ST3GAL2: variants seen among roughly 807,000 people sequenced by gnomAD.
ST3GAL2 encodes the protein CMP-N-acetylneuraminate-beta-galactosamide-alpha-2,3-sialyltransferase 2.
In ST3GAL2, 16 loss-of-function variants were observed where a neutral mutation model predicts 37.5. That is an observed-to-expected ratio of 0.43 (90% CI 0.29 to 0.65). The LOEUF (loss-of-function observed/expected upper bound fraction) is 0.65. Among genes scored for constraint, ST3GAL2 ranks in the 30% least tolerant of loss-of-function variants. The pLI is 0.17. For missense variants in ST3GAL2, 383 were observed against 487.8 expected (o/e 0.79, Z 2.02); for synonymous variants, 238 against 202.9 (o/e 1.17, Z -1.47).
At chr16:70,396,704 C>A (rs2047518501) in intron 2 of ST3GAL2, among the ~76,000 whole-genome samples, 1 of 152,190 alleles carries the variant, frequency 6.6e-6, no homozygotes, top group Admixed American at 6.5e-5. Flanking sequence ...TCTGTGACAT[C>A]ATTCTGATAA....
intron 1 of ST3GAL2, among the ~76,000 whole-genome samples, chr16:70,437,196 T>C (rs1019311020): frequency 2.6e-5 from 4 of 152,186 alleles, no homozygotes; most frequent in Non-Finnish European, 5.9e-5. Flanking sequence ...GCAGGGTCAC[T>C]CCCACAGGCC....
At chr16:70,387,247 C>T (rs1035015421) in intron 4 of ST3GAL2, among the ~76,000 whole-genome samples, 1 of 150,986 alleles carries the variant, frequency 6.6e-6, no homozygotes, top group African/African-American at 2.4e-5. Context: ...CGGAATGAGA[C>T]TCCGTTTCAA....
At position 70,377,493 on chromosome 16, in the gene ST3GAL2, A is replaced by AT. The variant is rs893198137; in HGVS notation, c.*4195_*4196insA. The AT allele has an allele frequency of 6.6e-6, 1 of 150,960 alleles. No individual in the cohort carries two copies. The highest frequency in any genetic ancestry group is 2.4e-5 in the African/African-American group (1 of 40,894). The allele number at this position is 150,960 out of a possible 1,614,324, so 9.4% of individuals were successfully genotyped here. ...AGACTCCATCTGAAAAAAAAAAAAA[A>AT]AAAAGAGAAAAGCCTCCATCGTGAC... On this transcript the variant is annotated 3_prime_UTR_variant, in exon 7 of 7. Transcript: ENST00000342907.
At chr16:70,393,224 C>T (rs777568829) in intron 3 of ST3GAL2, among the ~76,000 whole-genome samples, 5 of 151,982 alleles carry the variant, frequency 3.3e-5, no homozygotes, top group African/African-American at 4.8e-5. Flanking sequence ...ATTATAGTTA[C>T]CCACCACCAC....
At chr16:70,418,028 TATA>T (rs1239826629) in intron 1 of ST3GAL2, among the ~76,000 whole-genome samples, 1 of 152,196 alleles carries the variant, frequency 6.6e-6, no homozygotes, top group Non-Finnish European at 1.5e-5. Flanking sequence ...ACCGTAGATG[TATA>T]ATAAGGAGCC....
Position 70,398,182 on chromosome 16 carries a change from C to A in ST3GAL2, c.339+10G>T. 1.2e-6 allele frequency: 2 copies of A among 1,608,252 alleles called. No homozygotes were observed. The highest frequency in any genetic ancestry group is 1.1e-5 in the South Asian group (1 of 90,852). On this transcript the variant is annotated intron_variant, in intron 2 of 6. Transcript: ENST00000342907. The stretch of plus-strand genomic sequence containing the variant: ...GGGACAGATCCCTGGAAGGGAGCAG[C>A]AGCTCTTACCATCCACCACCTCTGG...
intron 2 of ST3GAL2, among the ~76,000 whole-genome samples, chr16:70,397,043 C>CTTTTTT (rs35885469): frequency 1.5e-5 from 2 of 130,284 alleles, no homozygotes; most frequent in African/African-American, 2.9e-5. Context: ...TCTTTTCTTT[C>CTTTTTT]TTTTTTTTTT....
rs113953362 is a variant in ST3GAL2, at chr16:70,389,386, C to T, written c.534-840G>A. Among the ~76,000 whole-genome samples, 1,434 of 151,816 alleles carry T rather than the reference C, an allele frequency of 9.4e-3. 23 individuals are homozygous for T. The highest frequency in any genetic ancestry group is 0.016 in the Admixed American group (236 of 15,200). ...TGGTGCTATCTCGGCTCACTGCAAT[C>T]CCCGCCTCCGCCTCCCAGGTTCAAG... On this transcript the variant is annotated intron_variant, in intron 3 of 6. Transcript: ENST00000342907.
At chr16:70,410,840 G>C (rs1365060089) in intron 1 of ST3GAL2, among the ~76,000 whole-genome samples, 1 of 49,634 alleles carries the variant, frequency 2.0e-5, no homozygotes, top group Admixed American at 2.7e-4. Flanking sequence ...TCTGTGTTTT[G>C]CCGTCTGTAG....
intron 5 of ST3GAL2, 129 bp downstream of exon 5, chr16:70,383,061 G>A: frequency 6.3e-7 from 1 of 1,581,342 alleles, no homozygotes; most frequent in Non-Finnish European, 8.6e-7. Flanking sequence ...ACCTGCTAGG[G>A]TCAGGCATCT....
chr16:70,407,242 G>A (rs146742569), intron 1 of ST3GAL2, among the ~76,000 whole-genome samples: 1,869 of 151,534 alleles, frequency 0.012, 31 homozygotes, highest in African/African-American at 0.043. Context: ...CTGGGTTCAA[G>A]CAATTCTCCT....
At position 70,398,433 on chromosome 16, in the gene ST3GAL2, G is replaced by A. The variant is rs771821238; in HGVS notation, c.98C>T (p.Thr33Met). The change falls in exon 2 of 7, where the codon ACG becomes ATG. Residue 33 changes from threonine (T) to methionine (M), a missense_variant. This residue lies in a region of ST3GAL2 where 223 missense variants were observed against 239.1 expected (regional missense o/e 0.93). Transcript: ENST00000342907. ...GGCCCCTGAGTCCAGGTAGGGGAGC[G>A]TGGCCATGCTGTGGTGCGAGTAGGT... ...LFTYSHHSMA[T>M]LPYLDSGALD... 52 of 1,613,588 alleles carry A rather than the reference G, an allele frequency of 3.2e-5. No individual in the cohort carries two copies. The highest frequency in any genetic ancestry group is 6.6e-5 in the South Asian group (6 of 91,092).
intron 3 of ST3GAL2, among the ~76,000 whole-genome samples, chr16:70,393,203 G>C (rs1252336428): frequency 1.3e-5 from 2 of 151,574 alleles, no homozygotes; most frequent in African/African-American, 4.9e-5. Flanking sequence ...TCAGCCTCCC[G>C]AGTAGCTGGG....
intron 1 of ST3GAL2, among the ~76,000 whole-genome samples, chr16:70,423,886 G>T (rs192208245): frequency 6.6e-6 from 1 of 151,226 alleles, no homozygotes; most frequent in East Asian, 2.0e-4. Context: ...GTGAAACCCC[G>T]TCTCTACTAA....
At chr16:70,417,910 G>A (rs2047686807) in intron 1 of ST3GAL2, among the ~76,000 whole-genome samples, 1 of 152,130 alleles carries the variant, frequency 6.6e-6, no homozygotes, top group African/African-American at 2.4e-5. Context: ...CTCCCGGGGT[G>A]AAGGGACTAA....
In ST3GAL2 at chr16:70,395,085, G is replaced by T. The variant is rs749103951; in HGVS notation, c.430C>A (p.Arg144=). The change falls in exon 3 of 7, where the codon CGG becomes AGG. Residue 144 remains arginine (R), a synonymous_variant. Coordinates refer to ENST00000342907, the MANE Select transcript of ST3GAL2 (RefSeq NM_006927.4). ...IVPGENPYRF[R]DPHQCRRCAV... ...CAGCGCCGGCACTGGTGGGGGTCCC[G>T]GAAGCGGTAGGGGTTCTCGCCAGGC... is the stretch of plus-strand genomic sequence containing the variant. 6.2e-7 allele frequency: 1 copy of T among 1,613,944 alleles called. No homozygotes were observed. Among genetic ancestry groups the T allele is most frequent in the South Asian group, 1.1e-5 (1 of 91,038 alleles).
At chr16:70,415,918 G>C (rs1304087498) in intron 1 of ST3GAL2, among the ~76,000 whole-genome samples, 1 of 151,110 alleles carries the variant, frequency 6.6e-6, no homozygotes, top group Non-Finnish European at 1.5e-5. Flanking sequence ...TGGGACTACA[G>C]GCACGCGCCA....
At chr16:70,406,372 G>A (rs985052218) in intron 1 of ST3GAL2, among the ~76,000 whole-genome samples, 1 of 151,872 alleles carries the variant, frequency 6.6e-6, no homozygotes, top group Non-Finnish European at 1.5e-5. Context: ...GCCGGGGGGT[G>A]GTGGCAGAGG....
intron 4 of ST3GAL2, among the ~76,000 whole-genome samples, chr16:70,387,563 A>G (rs2047451575): frequency 6.6e-6 from 1 of 152,180 alleles, no homozygotes. Context: ...TCAAAAAAAA[A>G]TAAAATTAAA....
Sources: gnomAD v4.1 joint callset for allele counts (sites outside exome capture counted in the v4.1 genomes callset) on GRCh38, gnomAD v4.1.1 for gene constraint, gnomAD v4.1.1 regional missense constraint, MANE v1.5 for transcripts, NCBI Gene and HGNC (gene_info 2026-07-23, HGNC 2026-07-21) for gene names.